The following NTM variants were observed in gnomAD, a reference collection of about 807,000 sequenced individuals.
NTM encodes the protein neurotrimin.
In NTM, 13 loss-of-function variants were observed where a neutral mutation model predicts 42.1. That is an observed-to-expected ratio of 0.31 (90% confidence interval 0.20 to 0.49). The LOEUF (loss-of-function observed/expected upper bound fraction) is 0.49. Among genes scored for constraint, NTM ranks in the 20% least tolerant of loss-of-function variants. The pLI is 0.99. For synonymous variants in NTM, 187 were observed against 179.2 expected, an observed-to-expected ratio of 1.04 and a Z score of -0.35; for missense variants, 373 against 452.8, an observed-to-expected ratio of 0.82 and a Z score of 1.60.
At chr11:131,758,792 A>G (rs1429978229) in intron 1 of NTM, among the ~76,000 whole-genome samples, 1 of 152,000 alleles carries the variant, frequency 6.6e-6, no homozygotes, top group Non-Finnish European at 1.5e-5. Context: ...GGGTTTCACC[A>G]TGTTGGCCAG....
chr11:132,265,914 T>A (rs2139609377), intron 4 of NTM, among the ~76,000 whole-genome samples: 1 of 152,226 alleles, frequency 6.6e-6, no homozygotes, highest in East Asian at 1.9e-4. Flanking sequence ...TGGGATACAC[T>A]GTTGGGATTT....
At chr11:131,534,819 G>A (rs1369661656) in intron 1 of NTM, 1 of 152,278 alleles carries the variant, frequency 6.6e-6, no homozygotes, top group Non-Finnish European at 1.5e-5. Context: ...CTGCTGGAGT[G>A]CCTGGAGCAC....
chr11:132,314,900 G>C, intron 7 of NTM, 197 bp downstream of exon 7: 1 of 1,352,284 alleles, frequency 7.4e-7, no homozygotes, highest in Non-Finnish European at 9.5e-7. Flanking sequence ...CAGACAGAAA[G>C]AGAAAGAACA....
chr11:131,619,804 G>A (rs189793826), intron 1 of NTM, among the ~76,000 whole-genome samples: 13 of 151,816 alleles, frequency 8.6e-5, no homozygotes, highest in East Asian at 1.9e-4. Context: ...AACATCTACC[G>A]CTAAACATCT....
chr11:132,319,511 T>C (rs2095511446), intron 7 of NTM, among the ~76,000 whole-genome samples: 1 of 152,058 alleles, frequency 6.6e-6, no homozygotes, highest in African/African-American at 2.4e-5. Flanking sequence ...CCACGGAGTC[T>C]CACTCATTGC....
intron 2 of NTM, among the ~76,000 whole-genome samples, chr11:132,134,755 A>ATATATCTATC (rs1555277645): frequency 5.0e-5 from 4 of 80,252 alleles, no homozygotes; most frequent in Non-Finnish European, 9.8e-5. Context: ...ATATATATAT[A>ATATATCTATC]TATATCTCAC....
intron 1 of NTM, among the ~76,000 whole-genome samples, chr11:131,781,373 T>C (rs2088090281): frequency 6.6e-6 from 1 of 151,994 alleles, no homozygotes. Context: ...AATATTCAAA[T>C]AATAAATAAT....
chr11:132,229,949 C>T (rs1431714637), intron 4 of NTM, among the ~76,000 whole-genome samples: 1 of 152,238 alleles, frequency 6.6e-6, no homozygotes, highest in Non-Finnish European at 1.5e-5. Flanking sequence ...GGCAAGAGAG[C>T]AGCAACCTTC....
chr11:132,170,991 C>T (rs940064040), intron 3 of NTM, among the ~76,000 whole-genome samples: 1 of 152,138 alleles, frequency 6.6e-6, no homozygotes, highest in Non-Finnish European at 1.5e-5. Flanking sequence ...GTACTCAGCT[C>T]ATTAAATTGT....
intron 2 of NTM, among the ~76,000 whole-genome samples, chr11:132,051,335 C>G (rs1476344400): frequency 6.6e-6 from 1 of 152,100 alleles, no homozygotes; most frequent in Admixed American, 6.5e-5. Flanking sequence ...AACTGAGGCC[C>G]TGAGAGATTA....
chr11:131,412,116 T>C (rs1946487689), intron 1 of NTM, among the ~76,000 whole-genome samples: 3 of 152,134 alleles, frequency 2.0e-5, no homozygotes, highest in Admixed American at 2.0e-4. Flanking sequence ...TATTGAACCC[T>C]AAGAGCTATA....
intron 2 of NTM, among the ~76,000 whole-genome samples, chr11:132,114,819 G>A (rs954018311): frequency 6.6e-6 from 1 of 152,164 alleles, no homozygotes; most frequent in Non-Finnish European, 1.5e-5. Context: ...TTCTACAAAT[G>A]CCTACATTTT....
chr11:131,488,134 C>T (rs1305966929), intron 1 of NTM, among the ~76,000 whole-genome samples: 2 of 152,228 alleles, frequency 1.3e-5, no homozygotes, highest in African/African-American at 2.4e-5. Context: ...ACTCAGGCTT[C>T]AGGGGCTTTT....
intron 1 of NTM, among the ~76,000 whole-genome samples, chr11:131,552,948 G>A (rs981057660): frequency 1.3e-5 from 2 of 152,260 alleles, no homozygotes; most frequent in African/African-American, 2.4e-5. Flanking sequence ...TTCAAACTAC[G>A]TATCACAAAA....
intron 1 of NTM, among the ~76,000 whole-genome samples, chr11:131,828,296 A>G (rs1228195436): frequency 6.6e-6 from 1 of 152,076 alleles, no homozygotes; most frequent in Non-Finnish European, 1.5e-5. Flanking sequence ...TTTCACTATT[A>G]ACACCAGTAT....
rs139796951 is a variant in NTM at position 132,222,013 on chromosome 11, G to T, written c.526+9866G>T. On this transcript the variant is annotated intron_variant, in intron 4 of 8. Transcript: ENST00000683400. ...CCAGCTTGGGGCACCCGGTCTTTGG[G>T]TTATGCACATTCTCACAGCATTCTT... Among the ~76,000 whole-genome samples, 1,419 of 152,246 alleles carry T rather than the reference G, an allele frequency of 9.3e-3. 12 individuals carry two copies. Among genetic ancestry groups the T allele is most frequent in the Middle Eastern group, 0.031 (9 of 294 alleles).
At chr11:132,183,611 A>C (rs1030088998) in intron 3 of NTM, among the ~76,000 whole-genome samples, 2 of 151,922 alleles carry the variant, frequency 1.3e-5, no homozygotes. Context: ...CTTTGACAAC[A>C]CAAGTGTCAT....
At chr11:132,224,194 C>T (rs779514119) in intron 4 of NTM, among the ~76,000 whole-genome samples, 16 of 152,286 alleles carry the variant, frequency 1.1e-4, no homozygotes, top group Non-Finnish European at 2.4e-4. Context: ...CCAAAACAGA[C>T]AACTCAACAT....
intron 1 of NTM, among the ~76,000 whole-genome samples, chr11:131,589,910 A>G (rs2137272610): frequency 6.6e-6 from 1 of 152,310 alleles, no homozygotes; most frequent in South Asian, 2.1e-4. Flanking sequence ...AAAGTAGCAA[A>G]GAATATTTCT....
Sources: allele counts gnomAD v4.1 joint callset (sites outside exome capture counted in the v4.1 genomes callset), GRCh38; gene constraint gnomAD v4.1.1; transcripts MANE v1.5; gene names NCBI Gene and HGNC (gene_info 2026-07-23, HGNC 2026-07-21).